The following VEZT variants were observed in gnomAD, a reference collection of about 807,000 sequenced individuals.
The protein encoded by VEZT is vezatin.
Under a neutral mutation model 79.9 loss-of-function variants are expected in VEZT, and 39 were observed. The ratio of observed to expected loss-of-function variants is 0.49; its 90% CI spans 0.38 to 0.64. The LOEUF (loss-of-function observed/expected upper bound fraction) is 0.64. Among genes scored for constraint, VEZT ranks in the 30% least tolerant of loss-of-function variants. VEZT has a pLI of 0.00. For missense variants in VEZT, 837 were observed against 893.1 expected (o/e 0.94, Z 0.80); for synonymous variants, 325 against 327.6 (o/e 0.99, Z 0.09).
intron 6 of VEZT, among the ~76,000 whole-genome samples, chr12:95,271,235 G>A (rs1365828256): frequency 6.6e-6 from 1 of 152,086 alleles, no homozygotes; most frequent in East Asian, 1.9e-4. Context: ...TGGAGAGAAA[G>A]CATTTTAATT....
chr12:95,243,268 G>A (rs2061284103), intron 1 of VEZT, among the ~76,000 whole-genome samples: 1 of 151,374 alleles, frequency 6.6e-6, no homozygotes, highest in African/African-American at 2.4e-5. Context: ...CCAGCTACTT[G>A]GGAGACAGAG....
intron 3 of VEZT, chr12:95,258,114 G>T: frequency 5.2e-6 from 2 of 386,190 alleles, no homozygotes; most frequent in Non-Finnish European, 1.0e-5. Flanking sequence ...TTATTTTTTG[G>T]CTGACTAAAA....
chr12:95,236,564 C>A (rs892033409), intron 1 of VEZT, among the ~76,000 whole-genome samples: 17 of 151,238 alleles, frequency 1.1e-4, no homozygotes, highest in Non-Finnish European at 2.4e-4. Flanking sequence ...GGCAAATGCT[C>A]TTACTGAATT....
intron 4 of VEZT, among the ~76,000 whole-genome samples, chr12:95,265,060 T>C (rs1252982675): frequency 6.6e-6 from 1 of 151,730 alleles, no homozygotes; most frequent in Non-Finnish European, 1.5e-5. Context: ...GGGGTCCTAC[T>C]GTGTTGCCCA....
chr12:95,255,370 G>C (rs1427489637), intron 2 of VEZT, among the ~76,000 whole-genome samples: 3 of 152,096 alleles, frequency 2.0e-5, no homozygotes, highest in Non-Finnish European at 2.9e-5. Flanking sequence ...TCTTATTCAT[G>C]ATCTTTTTTG....
chr12:95,285,922 G>T (rs2070655405), intron 8 of VEZT, among the ~76,000 whole-genome samples: 1 of 148,182 alleles, frequency 6.7e-6, no homozygotes, highest in South Asian at 2.1e-4. Context: ...ATTTTCATTA[G>T]AGTGTAGTTA....
chr12:95,287,216 C>T (rs1203382087), intron 8 of VEZT, among the ~76,000 whole-genome samples: 1 of 152,040 alleles, frequency 6.6e-6, no homozygotes, highest in East Asian at 1.9e-4. Flanking sequence ...ATCATTTAAT[C>T]ATTATAAAAT....
At position 95,294,340 on chromosome 12, in the gene VEZT, A is replaced by G. The variant is rs762150018; in HGVS notation, c.1591A>G (p.Ile531Val). 6 of 1,588,254 alleles carry G rather than the reference A, an allele frequency of 3.8e-6. No individual in the cohort carries two copies. In the South Asian group the frequency reaches 5.8e-5, roughly 15 times the overall value. The change falls in exon 10 of 12, where the codon ATT (isoleucine) becomes GTT (valine). Residue 531 changes from isoleucine (I) to valine (V), a missense_variant. Coordinates refer to ENST00000436874, the MANE Select transcript of VEZT (RefSeq NM_017599.4). Reference protein sequence around the residue: ...VVPLKQPTLHIADKDPIPEEQ... With the variant: ...VVPLKQPTLHVADKDPIPEEQ... Reference sequence around the variant, plus strand: ...ACCTTTGAAGCAGCCTACTCTACACATTGCAGACAAAGATCCAATCCCAGA... The same window carrying G: ...ACCTTTGAAGCAGCCTACTCTACACGTTGCAGACAAAGATCCAATCCCAGA...
At chr12:95,287,542 A>G (rs1258606184) in intron 8 of VEZT, 122 bp from the exon 9 acceptor site, 1 of 893,132 alleles carries the variant, frequency 1.1e-6, no homozygotes, top group Non-Finnish European at 1.6e-6. Flanking sequence ...AGCTCAAGCC[A>G]TTCACCTGCC....
chr12:95,235,491 G>A (rs1478954670), intron 1 of VEZT, among the ~76,000 whole-genome samples: 4 of 140,878 alleles, frequency 2.8e-5, no homozygotes, highest in Admixed American at 6.8e-5. Flanking sequence ...AGGGGCGGCC[G>A]GGCAGAGGCG....
At chr12:95,274,129 T>C (rs561389594) in intron 6 of VEZT, among the ~76,000 whole-genome samples, 1 of 152,262 alleles carries the variant, frequency 6.6e-6, no homozygotes, top group Admixed American at 6.5e-5. Context: ...CCCTGAACCA[T>C]GACACAGTAA....
chr12:95,218,042 T>G lies in VEZT; in HGVS notation c.36+156T>G, dbSNP rs1010405173. Reference sequence around the variant, plus strand: ...CAGCGATTTCAGGGCCTAGAGTCCGTCGTCGCCTGACAGGTGTAGCCAGAG... The same window carrying G: ...CAGCGATTTCAGGGCCTAGAGTCCGGCGTCGCCTGACAGGTGTAGCCAGAG... On this transcript the variant is annotated intron_variant, in intron 1 of 11. Transcript: ENST00000436874. 3 of 648,030 alleles carry G rather than the reference T, an allele frequency of 4.6e-6. No homozygotes were observed. In the African/African-American group the frequency reaches 5.8e-5, roughly 12 times the overall value. 40.1% of individuals were successfully genotyped at this position (648,030 alleles called of 1,614,324 possible).
At chr12:95,229,250 A>AT (rs1362765440) in intron 1 of VEZT, among the ~76,000 whole-genome samples, 2 of 152,096 alleles carry the variant, frequency 1.3e-5, no homozygotes, top group Non-Finnish European at 2.9e-5. Flanking sequence ...TCTTTTATGT[A>AT]TTTTTTATTG....
In VEZT at chr12:95,262,923, C is replaced by A. The variant is rs372819589; in HGVS notation, c.276C>A (p.Leu92=). ...ATGGCAAGGATATTGGATTCCGACT[C>A]GACTCATTACATACCATCCTGCAAC... is the stretch of plus-strand genomic sequence containing the variant. ...LLHKLDIGFR[L]DSLHTILQQE... Residue 92 remains leucine, a synonymous_variant, in exon 4 of 12, where the codon CTC becomes CTA. Transcript: ENST00000436874. 6.3e-7 allele frequency: 1 copy of A among 1,594,760 alleles called. No individual in the cohort carries two copies. Among genetic ancestry groups the A allele is most frequent in the African/African-American group, 1.3e-5 (1 of 74,588 alleles).
At chr12:95,240,406 G>T (rs1197820014) in intron 1 of VEZT, among the ~76,000 whole-genome samples, 2 of 152,082 alleles carry the variant, frequency 1.3e-5, no homozygotes, top group Non-Finnish European at 2.9e-5. Context: ...TGAGCATGAA[G>T]TTTATGTAGA....
intron 1 of VEZT, among the ~76,000 whole-genome samples, chr12:95,250,303 A>AT (rs202062093): frequency 0.21 from 24,033 of 116,448 alleles, 2,744 homozygotes; most frequent in African/African-American, 0.24. Flanking sequence ...TAATTTTTTA[A>AT]TTTTTTTTTT....
intron 1 of VEZT, among the ~76,000 whole-genome samples, chr12:95,231,079 T>C (rs944707053): frequency 5.3e-5 from 8 of 152,352 alleles, no homozygotes; most frequent in South Asian, 2.1e-4. Flanking sequence ...TTAAGGTTAC[T>C]CTTTTTAAAA....
chr12:95,285,085 CAAAAAAA>C (rs1165581329), intron 8 of VEZT, among the ~76,000 whole-genome samples: 2 of 44,676 alleles, frequency 4.5e-5, no homozygotes, highest in South Asian at 8.9e-4. Flanking sequence ...GACTCTGTCT[CAAAAAAA>C]AAAAAAAAAA....
rs2069394220 is a variant in VEZT at position 95,282,362 on chromosome 12, T to C, written c.1046T>C (p.Leu349Ser). Reference sequence around the variant, plus strand: ...CAGAGTTCAGAGTTCTTCAGACGGTTAGCCCTATTACTTTCTACAGCCAAT... The same window carrying C: ...CAGAGTTCAGAGTTCTTCAGACGGTCAGCCCTATTACTTTCTACAGCCAAT... The part of the protein sequence containing the change: ...VAQSSEFFRR[L>S]ALLLSTANSP... The change falls in exon 8 of 12, where the codon TTA becomes TCA. Residue 349 changes from leucine (L) to serine (S), a missense_variant. By Grantham distance (145) the Leu-to-Ser change is moderately radical. Transcript: ENST00000436874. 1.2e-6 allele frequency: 2 copies of C among 1,613,806 alleles called. No individual in the cohort carries two copies. Among genetic ancestry groups the C allele is most frequent in the Non-Finnish European group, 1.7e-6 (2 of 1,179,874 alleles).
Sources: allele counts gnomAD v4.1 joint callset (sites outside exome capture counted in the v4.1 genomes callset), GRCh38; gene constraint gnomAD v4.1.1; transcripts MANE v1.5; gene names NCBI Gene and HGNC (gene_info 2026-07-23, HGNC 2026-07-21).